ELAVL4: variants seen among roughly 807,000 people sequenced by gnomAD.
ELAVL4 encodes ELAV like RNA binding protein 4, also known as ELAV-like protein 4.
In ELAVL4, 1 loss-of-function variant was observed where a neutral mutation model predicts 35.6. The observed-to-expected ratio is 0.03, with a 90% confidence interval of 0.01 to 0.13. The LOEUF is 0.13. ELAVL4 is among the 10% of genes least tolerant of loss of function. The pLI, the probability that ELAVL4 is intolerant of heterozygous loss-of-function variation, is 1.00. For synonymous variants in ELAVL4, 156 were observed against 171.0 expected (o/e 0.91, Z 0.69); for missense variants, 267 against 464.9 (o/e 0.57, Z 3.91).
At position 50,128,349 on chromosome 1, in the gene ELAVL4, T is replaced by A. The variant is rs573676317; in HGVS notation, c.10-16608T>A. The stretch of plus-strand genomic sequence containing the variant: ...TTGCATTGATTCTGAAGAGGAGAGA[T>A]AAGCGAGGTTTATGGTGAGAGCAAA... On this transcript the variant is annotated intron_variant, in intron 1 of 6. Coordinates refer to ENST00000371824, the MANE Select transcript of ELAVL4 (RefSeq NM_001144774.3). Among the ~76,000 whole-genome samples, 66 of 152,236 alleles carry A rather than the reference T, an allele frequency of 4.3e-4. 1 individual carries two copies. The South Asian group carries it at 0.013, about 30-fold the overall frequency.
chr1:50,142,038 CCTTT>C (rs1672906925), intron 1 of ELAVL4, among the ~76,000 whole-genome samples: 1 of 152,102 alleles, frequency 6.6e-6, no homozygotes, highest in East Asian at 1.9e-4. Flanking sequence ...GCCTCTGGGC[CCTTT>C]GTATTTTAGA....
chr1:50,113,907 A>T (rs1667507246), intron 1 of ELAVL4, among the ~76,000 whole-genome samples: 1 of 152,146 alleles, frequency 6.6e-6, no homozygotes. Context: ...GTATTACTAA[A>T]CATGTATACA....
At chr1:50,099,714 G>C (rs1180887945), upstream of ELAVL4, among the ~76,000 whole-genome samples, 1 of 152,108 alleles carries the variant, frequency 6.6e-6, no homozygotes, top group African/African-American at 2.4e-5. Flanking sequence ...GGAAATATTT[G>C]TAAAGATTAA....
chr1:50,153,591 AAGC>A (rs1675182339), intron 2 of ELAVL4, among the ~76,000 whole-genome samples: 2 of 152,304 alleles, frequency 1.3e-5, no homozygotes, highest in Non-Finnish European at 1.5e-5. Flanking sequence ...TGTCAAAGAA[AAGC>A]GAGCCTTCAA....
At chr1:50,131,844 A>C (rs970476327) in intron 1 of ELAVL4, among the ~76,000 whole-genome samples, 3 of 151,856 alleles carry the variant, frequency 2.0e-5, no homozygotes, top group Admixed American at 6.6e-5. Context: ...AGGGAAACTA[A>C]GAGGATTTTA....
At position 50,152,432 on chromosome 1, in the gene ELAVL4, C is replaced by A. The variant is rs539063504; in HGVS notation, c.250+7235C>A. ...CCCCAACACACACACACACACACAC[C>A]CACACATTCACTCACTCACTCCTCC... On this transcript the variant is annotated intron_variant, in intron 2 of 6. Coordinates refer to ENST00000371824, the MANE Select transcript of ELAVL4 (RefSeq NM_001144774.3). Among the ~76,000 whole-genome samples the A allele has an allele frequency of 4.3e-3, 655 of 151,466 alleles. 3 individuals carry two copies. Among genetic ancestry groups the A allele is most frequent in the Non-Finnish European group, 7.1e-3 (480 of 67,744 alleles).
At chr1:50,110,429 A>G (rs576196044) in intron 1 of ELAVL4, among the ~76,000 whole-genome samples, 2 of 152,280 alleles carry the variant, frequency 1.3e-5, no homozygotes, top group South Asian at 4.1e-4. Flanking sequence ...CAATTGTGAA[A>G]CAGGACTTTC....
At chr1:50,060,865 C>T (rs1663926832) in intron 1 of ELAVL4, among the ~76,000 whole-genome samples, 1 of 152,186 alleles carries the variant, frequency 6.6e-6, no homozygotes, top group Non-Finnish European at 1.5e-5. Context: ...CCCTGAGTGC[C>T]TTGTAGCACT....
At chr1:50,140,823 C>T (rs1486183192) in intron 1 of ELAVL4, among the ~76,000 whole-genome samples, 1 of 151,008 alleles carries the variant, frequency 6.6e-6, no homozygotes. Context: ...GCAAAGAGAG[C>T]TCCATCTACA....
chr1:50,145,066 C>T lies in ELAVL4; in HGVS notation c.119C>T (p.Thr40Ile). ...NCPSPMQTGATTDDSKTNLIV... is the reference protein window; with the variant it reads ...NCPSPMQTGAITDDSKTNLIV... ...CCTTCTCCCATGCAAACAGGGGCAA[C>T]CACAGATGACAGCAAAACCAACCTC... Residue 40 changes from threonine (T) to isoleucine (I), a missense_variant, in exon 2 of 7, where the codon ACC becomes ATC. Physicochemically the swap from Thr to Ile is moderately conservative, Grantham distance 89. Around this residue, in one of 2 missense-constraint regions of ELAVL4, gnomAD observed 51 missense variants for 55.4 expected, o/e 0.92. Coordinates refer to ENST00000371824, the MANE Select transcript of ELAVL4 (RefSeq NM_001144774.3). 6.2e-7 allele frequency: 1 copy of T among 1,614,008 alleles called. No homozygotes were observed. Among genetic ancestry groups the T allele is most frequent in the Non-Finnish European group, 8.5e-7 (1 of 1,179,952 alleles).
At chr1:50,161,745 A>T (rs947565763) in intron 2 of ELAVL4, among the ~76,000 whole-genome samples, 4 of 152,186 alleles carry the variant, frequency 2.6e-5, no homozygotes, top group Non-Finnish European at 5.9e-5. Context: ...TTGTTTTTTG[A>T]GACAGGGTCT....
At chr1:50,132,995 A>G (rs186366892) in intron 1 of ELAVL4, among the ~76,000 whole-genome samples, 78 of 152,262 alleles carry the variant, frequency 5.1e-4, no homozygotes, top group Admixed American at 3.3e-3. Flanking sequence ...TACATTGATC[A>G]TATACATTTT....
intron 2 of ELAVL4, among the ~76,000 whole-genome samples, chr1:50,150,525 G>C (rs1172853070): frequency 6.6e-6 from 1 of 152,184 alleles, no homozygotes; most frequent in Non-Finnish European, 1.5e-5. Context: ...CAGTAGGTGA[G>C]ATGTGGGAAA....
chr1:50,183,072 G>A (rs1681293614), intron 3 of ELAVL4, among the ~76,000 whole-genome samples: 1 of 151,856 alleles, frequency 6.6e-6, no homozygotes, highest in Non-Finnish European at 1.5e-5. Context: ...TGGCCAGGCT[G>A]GTCTCAAACT....
intron 2 of ELAVL4, among the ~76,000 whole-genome samples, chr1:50,165,314 A>C (rs1446638354): frequency 6.6e-6 from 1 of 151,858 alleles, no homozygotes; most frequent in African/African-American, 2.4e-5. Flanking sequence ...ACCACCCTTC[A>C]ATCACCCCAG....
chr1:50,073,313 T>C (rs973228892), intron 1 of ELAVL4, among the ~76,000 whole-genome samples: 6 of 152,224 alleles, frequency 3.9e-5, no homozygotes, highest in Admixed American at 3.3e-4. Context: ...TAAAGAAATG[T>C]GGAGATTTTG....
chr1:50,109,015 T>TCGGGGGGGGGGC lies in ELAVL4; in HGVS notation c.-174_-173insGGGGGGGGGGCC. The TCGGGGGGGGGGC allele has an allele frequency of 7.3e-6, 7 of 960,950 alleles. No individual in the cohort carries two copies. The highest frequency in any genetic ancestry group is 7.3e-6 in the Non-Finnish European group (6 of 816,836). The allele number at this position is 960,950 out of a possible 1,614,324, so 59.5% of individuals were successfully genotyped here. A position where few individuals can be genotyped will look rare whatever the true frequency, so the allele number is the denominator to read the frequency against. ...GCTCCTTTTCTTTTTTTTCTTTCTC[T>TCGGGGGGGGGGC]CCCCCGCCCACCCCCCCAAAAATAA... On this transcript the variant is annotated 5_prime_UTR_variant, in exon 1 of 7. Coordinates refer to ENST00000371824, the MANE Select transcript of ELAVL4 (RefSeq NM_001144774.3).
intron 1 of ELAVL4, 36 bp downstream of exon 1, chr1:50,109,234 T>G (rs556122389): frequency 6.2e-7 from 1 of 1,606,608 alleles, no homozygotes; most frequent in African/African-American, 1.3e-5. Flanking sequence ...GTTGTTTGTG[T>G]TGCTGGAGGG....
intron 2 of ELAVL4, among the ~76,000 whole-genome samples, chr1:50,151,064 A>G (rs183913439): frequency 2.0e-4 from 30 of 152,316 alleles, no homozygotes; most frequent in African/African-American, 6.5e-4. Flanking sequence ...CATGATGGCC[A>G]TTTTACAGAT....
Sources: allele counts gnomAD v4.1 joint callset (sites outside exome capture counted in the v4.1 genomes callset), GRCh38; gene constraint gnomAD v4.1.1; regional missense constraint gnomAD v4.1.1; transcripts MANE v1.5; gene names NCBI Gene and HGNC (gene_info 2026-07-23, HGNC 2026-07-21).